Variants in WDR97 observed in about 807,000 individuals in gnomAD.
WDR97 encodes WD repeat-containing protein 97.
A neutral mutation model predicts 65.4 loss-of-function variants in WDR97; 111 were observed. That is an observed-to-expected ratio of 1.70 (90% CI 1.45 to 1.99). The LOEUF (loss-of-function observed/expected upper bound fraction) is 1.99. Ranked by LOEUF, WDR97 falls within the 30% of genes most tolerant of loss-of-function variation. WDR97 has a pLI of 0.00. For missense variants in WDR97, 1,674 were observed against 865.0 expected (o/e 1.94, Z -11.73); for synonymous variants, 802 against 397.7 (o/e 2.02, Z -12.10).
rs1271875589 is a variant in WDR97, at chr8:144,111,087, C to T, written c.2305-14C>T. ...TTCCCCCAGCCAGGGATACAGGCTC[C>T]TTCCCCTATTCAGAAGATGTGCCGG... is the stretch of plus-strand genomic sequence containing the variant. On this transcript the variant is annotated splice_polypyrimidine_tract_variant and intron_variant, in intron 9 of 23. Coordinates refer to ENST00000323662, the MANE Select transcript of WDR97 (RefSeq NM_001316309.2). 1 of 702,838 alleles carries T rather than the reference C, an allele frequency of 1.4e-6. No individual in the cohort carries two copies. The highest frequency in any genetic ancestry group is 2.7e-5 in the East Asian group (1 of 37,278). 43.5% of individuals were successfully genotyped at this position (702,838 alleles called of 1,614,324 possible). A position where few individuals can be genotyped will look rare whatever the true frequency, so the allele number is the denominator to read the frequency against.
Position 144,110,369 on chromosome 8 carries a change from C to T in WDR97, c.1872C>T (p.Arg624=), listed in dbSNP as rs1489402876. ...GGGACCTGACGGTGAAGATGTGGCG[C>T]GTCTTCCCCTATGCCGAAGAGAGCC... is the stretch of plus-strand genomic sequence containing the variant. ...SGGDLTVKMW[R]VFPYAEESLS... Residue 624 remains arginine (R), a synonymous_variant, in exon 7 of 24, where the codon CGC becomes CGT. Transcript: ENST00000323662. 2 of 702,970 alleles carry T rather than the reference C, an allele frequency of 2.8e-6. No homozygotes were observed. The highest frequency in any genetic ancestry group is 3.0e-5 in the South Asian group (2 of 67,608). The allele number at this position is 702,970 out of a possible 1,614,324, so 43.5% of individuals were successfully genotyped here. A position where few individuals can be genotyped will look rare whatever the true frequency, so the allele number is the denominator to read the frequency against.
At position 144,109,783 on chromosome 8, in the gene WDR97, C is replaced by A; in HGVS notation, c.1449C>A (p.Cys483Ter). Residue 483 changes from cysteine to a stop codon, truncating the protein, a stop_gained, in exon 5 of 24, where the codon TGC becomes TGA. Transcript: ENST00000323662. LOFTEE classifies it high-confidence loss of function. The stretch of plus-strand genomic sequence containing the variant: ...ACTGCGCGGCAGCCGTGGCCTACTG[C>A]CTGCCGCGCGAGGCGCTGTGGCTGC... ...PEDCAAAVAY[C>*]LPREALWLLT... 1 of 671,738 alleles carries A rather than the reference C, an allele frequency of 1.5e-6. No individual in the cohort carries two copies. Among genetic ancestry groups the A allele is most frequent in the Admixed American group, 2.2e-5 (1 of 45,146 alleles). The allele number at this position is 671,738 out of a possible 1,614,324, so 41.6% of individuals were successfully genotyped here.
In WDR97 at chr8:144,115,519, A is replaced by G. The variant is rs1377531113; in HGVS notation, c.4256A>G (p.Gln1419Arg). 2.9e-6 allele frequency: 2 copies of G among 697,290 alleles called. No homozygotes were observed. Among genetic ancestry groups the G allele is most frequent in the Admixed American group, 4.0e-5 (2 of 49,636 alleles). 43.2% of individuals were successfully genotyped at this position (697,290 alleles called of 1,614,324 possible). The change falls in exon 22 of 24, where the codon CAG (glutamine) becomes CGG (arginine). Residue 1419 changes from glutamine to arginine, a missense_variant. Gln to Arg is a conservative substitution (Grantham distance 43, BLOSUM62 1). Coordinates refer to ENST00000323662, the MANE Select transcript of WDR97 (RefSeq NM_001316309.2). The stretch of plus-strand genomic sequence containing the variant: ...TCTTTAGCCCCGGAGCTCCAGGCCC[A>G]GCGGATGCTGGCACCCAAGCGCAGC... ...PHSLAPELQA[Q>R]RMLAPKRSWG... is the part of the protein sequence containing the mutation.
At chr8:144,110,319 AG>A (rs1836520083) in intron 6 of WDR97, 21 bp from the exon 7 acceptor site, 1 of 702,750 alleles carries the variant, frequency 1.4e-6, no homozygotes. Flanking sequence ...GACAAGGCCC[AG>A]CCAGATTCCG....
Position 144,115,734 on chromosome 8 carries a change from T to G in WDR97, c.4471T>G (p.Cys1491Gly). The change falls in exon 22 of 24, where the codon TGT (cysteine) becomes GGT (glycine). Residue 1491 changes from cysteine (C) to glycine (G), a missense_variant. Transcript: ENST00000323662. Reference protein sequence around the residue: ...LGPIDALNFFCEQLRAQQRSS... With the variant: ...LGPIDALNFFGEQLRAQQRSS... ...CCCCATCGACGCGCTCAACTTCTTC[T>G]GTGAGCAGCTGCGGGCGCAGCAGCG... is the stretch of plus-strand genomic sequence containing the variant. 1 of 701,608 alleles carries G rather than the reference T, an allele frequency of 1.4e-6. No individual in the cohort carries two copies. Among genetic ancestry groups the G allele is most frequent in the Non-Finnish European group, 2.6e-6 (1 of 384,446 alleles). The allele number at this position is 701,608 out of a possible 1,614,324, so 43.5% of individuals were successfully genotyped here. A position where few individuals can be genotyped will look rare whatever the true frequency, so the allele number is the denominator to read the frequency against.
chr8:144,115,291 T>G lies in WDR97; in HGVS notation c.4078-50T>G. 7.0e-6 allele frequency: 4 copies of G among 573,322 alleles called. No individual in the cohort carries two copies. The South Asian group carries it at 8.9e-5, about 13-fold the overall frequency. The allele number at this position is 573,322 out of a possible 1,614,324, so 35.5% of individuals were successfully genotyped here. A position where few individuals can be genotyped will look rare whatever the true frequency, so the allele number is the denominator to read the frequency against. On this transcript the variant is annotated intron_variant, in intron 21 of 23. Coordinates refer to ENST00000323662, the MANE Select transcript of WDR97 (RefSeq NM_001316309.2). The stretch of plus-strand genomic sequence containing the variant: ...CCACTGTCTGCAGCCAAGTTGCTGG[T>G]GGTGCTGCCCAAGGTCTCTAAGACC...
intron 21 of WDR97, 73 bp downstream of exon 21, chr8:144,114,984 C>T: frequency 1.6e-6 from 1 of 623,986 alleles, no homozygotes; most frequent in Admixed American, 2.7e-5. Flanking sequence ...GTCCTGGGGT[C>T]AAAGCCAGCT....
rs956720455 is a variant in WDR97, at chr8:144,109,600, C to G, written c.1266C>G (p.Pro422=). ...RELYSPLAQL[P]AKVLHVQVAP... ...TCTACTCGCCGTTGGCGCAACTGCCCGCCAAGGTGCTCCACGTGCAGGTGG... is the reference window on the plus strand; with the variant it reads ...TCTACTCGCCGTTGGCGCAACTGCCGGCCAAGGTGCTCCACGTGCAGGTGG... Residue 422 remains proline, a synonymous_variant, in exon 5 of 24, where the codon CCC becomes CCG. Transcript: ENST00000323662. 1.0e-5 allele frequency: 7 copies of G among 689,160 alleles called. No individual in the cohort carries two copies. Among genetic ancestry groups the G allele is most frequent in the African/African-American group, 1.8e-5 (1 of 55,324 alleles). The allele number at this position is 689,160 out of a possible 1,614,324, so 42.7% of individuals were successfully genotyped here. A position where few individuals can be genotyped will look rare whatever the true frequency, so the allele number is the denominator to read the frequency against.
Position 144,116,024 on chromosome 8 carries a change from C to G in WDR97, c.4666+11C>G, listed in dbSNP as rs1458948799. 4 of 699,734 alleles carry G rather than the reference C, an allele frequency of 5.7e-6. No homozygotes were observed. Among genetic ancestry groups the G allele is most frequent in the Non-Finnish European group, 1.0e-5 (4 of 384,364 alleles). The allele number at this position is 699,734 out of a possible 1,614,324, so 43.3% of individuals were successfully genotyped here. On this transcript the variant is annotated intron_variant, in intron 23 of 23. Transcript: ENST00000323662. ...CGATGAGACTGAGGGGTGAGTGGAG[C>G]CAGGGGTGGAGACTGGACCCCACCC...
Position 144,111,767 on chromosome 8 carries a change from G to A in WDR97, c.2623G>A (p.Gly875Ser), listed in dbSNP as rs1347588247. The A allele has an allele frequency of 2.9e-5, 20 of 685,704 alleles. No individual in the cohort carries two copies. The highest frequency in any genetic ancestry group is 5.4e-5 in the East Asian group (2 of 36,972). 42.5% of individuals were successfully genotyped at this position (685,704 alleles called of 1,614,324 possible). Residue 875 changes from glycine (G) to serine (S), a missense_variant, in exon 12 of 24, where the codon GGC becomes AGC. Physicochemically the swap from Gly to Ser is moderately conservative, Grantham distance 56. Transcript: ENST00000323662. ...TGACAATTACCTCCGTCTGATCTAC[G>A]GCTCTGGCCTGCTGGTAGGTGTAGG... ...GFDNYLRLIY[G>S]SGLLGMQSGR...
chr8:144,112,355 G>A lies in WDR97; in HGVS notation c.3021+6G>A, dbSNP rs1359904609. The A allele has an allele frequency of 4.3e-6, 3 of 702,490 alleles. No individual in the cohort carries two copies. The highest frequency in any genetic ancestry group is 7.8e-6 in the Non-Finnish European group (3 of 384,884). 43.5% of individuals were successfully genotyped at this position (702,490 alleles called of 1,614,324 possible). ...CCTCCCACTTGCAGTGCAGGGTGAG[G>A]GACCCAGGCAGGTGGGGTACCACCT... On this transcript the variant is annotated splice_donor_region_variant and intron_variant, in intron 14 of 23. Coordinates refer to ENST00000323662, the MANE Select transcript of WDR97 (RefSeq NM_001316309.2).
rs1218528997 is a variant in WDR97 at position 144,109,726 on chromosome 8, C to G, written c.1392C>G (p.Arg464=). The G allele has an allele frequency of 1.5e-5, 10 of 681,396 alleles. No homozygotes were observed. Among genetic ancestry groups the G allele is most frequent in the Non-Finnish European group, 2.1e-5 (8 of 376,608 alleles). 42.2% of individuals were successfully genotyped at this position (681,396 alleles called of 1,614,324 possible). A position where few individuals can be genotyped will look rare whatever the true frequency, so the allele number is the denominator to read the frequency against. Reference sequence around the variant, plus strand: ...ACCTCCTGTCGGCGGCCACCGGGCGCATAGTGAGCTCACTGCTGCTGGAGC... The same window carrying G: ...ACCTCCTGTCGGCGGCCACCGGGCGGATAGTGAGCTCACTGCTGCTGGAGC... The part of the protein sequence containing the change: ...SVYLLSAATG[R]IVSSLLLEPE... Residue 464 remains arginine (R), a synonymous_variant, in exon 5 of 24, where the codon CGC becomes CGG. Transcript: ENST00000323662.
rs1219648263 is a variant in WDR97, at chr8:144,115,610, C to A, written c.4347C>A (p.Pro1449=). The A allele has an allele frequency of 1.5e-6, 1 of 681,600 alleles. No individual in the cohort carries two copies. The highest frequency in any genetic ancestry group is 2.7e-5 in the East Asian group (1 of 36,884). The allele number at this position is 681,600 out of a possible 1,614,324, so 42.2% of individuals were successfully genotyped here. ...SETLKSFCLE[P]EARLHPAGPA... is the part of the protein sequence containing the mutation. Reference sequence around the variant, plus strand: ...CGCTGAAGAGCTTCTGCCTGGAGCCCGAGGCCCGCCTGCACCCTGCCGGGC... The same window carrying A: ...CGCTGAAGAGCTTCTGCCTGGAGCCAGAGGCCCGCCTGCACCCTGCCGGGC... Residue 1449 remains proline, a synonymous_variant, in exon 22 of 24, where the codon CCC becomes CCA. Transcript: ENST00000323662.
rs115664571 is a variant in WDR97 at position 144,114,292 on chromosome 8, G to A, written c.3609G>A (p.Ala1203=). The change falls in exon 19 of 24, where the codon GCG becomes GCA. Residue 1203 remains alanine (A), a synonymous_variant. Transcript: ENST00000323662. Reference sequence around the variant, plus strand: ...CTACCCTGCAGGCATACCCGGAGGCGGGCACGATCGAGGGCCTGGCCTCGC... The same window carrying A: ...CTACCCTGCAGGCATACCCGGAGGCAGGCACGATCGAGGGCCTGGCCTCGC... ...PIFSLQAYPE[A]GTIEGLASLL... is the part of the protein sequence containing the mutation. 1.1e-3 allele frequency: 773 copies of A among 701,608 alleles called. 3 individuals are homozygous for A. In the African/African-American group the frequency reaches 0.012, roughly 11 times the overall value. The allele number at this position is 701,608 out of a possible 1,614,324, so 43.5% of individuals were successfully genotyped here.
chr8:144,114,683 G>A lies in WDR97; in HGVS notation c.3914+8G>A, dbSNP rs970579491. The A allele has an allele frequency of 1.3e-5, 9 of 702,604 alleles. No homozygotes were observed. In the Admixed American group the frequency reaches 1.8e-4, roughly 14 times the overall value. 43.5% of individuals were successfully genotyped at this position (702,604 alleles called of 1,614,324 possible). Reference sequence around the variant, plus strand: ...CTCTCCCGTGCACTGCCGGTGAGTTGCGCTCCTGCCCAGCCCTCCCTGCCA... The same window carrying A: ...CTCTCCCGTGCACTGCCGGTGAGTTACGCTCCTGCCCAGCCCTCCCTGCCA... On this transcript the variant is annotated splice_region_variant and intron_variant, in intron 20 of 23. Transcript: ENST00000323662.
chr8:144,113,120 A>C, intron 15 of WDR97: 1 of 475,142 alleles, frequency 2.1e-6, no homozygotes, highest in Non-Finnish European at 3.7e-6. Flanking sequence ...CTTCTTTTAG[A>C]CTTTCTTGTC....
Position 144,115,448 on chromosome 8 carries a change from G to A in WDR97, c.4185G>A (p.Gln1395=). The A allele has an allele frequency of 2.9e-6, 2 of 690,304 alleles. No individual in the cohort carries two copies. The highest frequency in any genetic ancestry group is 5.3e-6 in the Non-Finnish European group (2 of 376,302). 42.8% of individuals were successfully genotyped at this position (690,304 alleles called of 1,614,324 possible). A position where few individuals can be genotyped will look rare whatever the true frequency, so the allele number is the denominator to read the frequency against. Residue 1395 remains glutamine, a synonymous_variant, in exon 22 of 24, where the codon CAG becomes CAA. Transcript: ENST00000323662. ...SASGIFGRLS[Q]VSEVPLMVVS... Reference sequence around the variant, plus strand: ...CCGGCATCTTCGGGAGGCTCTCGCAGGTCTCAGAGGTGCCTTTGATGGTGG... The same window carrying A: ...CCGGCATCTTCGGGAGGCTCTCGCAAGTCTCAGAGGTGCCTTTGATGGTGG...
At chr8:144,108,226 C>T (rs775283202) in intron 2 of WDR97, 31 bp downstream of exon 2, 4 of 696,272 alleles carry the variant, frequency 5.7e-6, no homozygotes, top group South Asian at 1.5e-5. Context: ...GCCTCCTGGC[C>T]TCTTTCCGGA....
At position 144,111,437 on chromosome 8, in the gene WDR97, C is replaced by T. The variant is rs1241717338; in HGVS notation, c.2438C>T (p.Ser813Phe). The change falls in exon 11 of 24, where the codon TCT becomes TTT. Residue 813 changes from serine to phenylalanine, a missense_variant. Physicochemically the swap from Ser to Phe is radical, Grantham distance 155 (BLOSUM62 -2). Transcript: ENST00000323662. ...GTCCCTGTTTGCAGCGAGGCCTTGT[C>T]TCTCATCCATCGTCGGAGGGCAACA... is the stretch of plus-strand genomic sequence containing the variant. ...HGAASLSEAL[S>F]LIHRRRATSQ... 1 of 702,714 alleles carries T rather than the reference C, an allele frequency of 1.4e-6. No individual in the cohort carries two copies. The highest frequency in any genetic ancestry group is 2.7e-5 in the East Asian group (1 of 37,284). The allele number at this position is 702,714 out of a possible 1,614,324, so 43.5% of individuals were successfully genotyped here.
Sources: allele counts gnomAD v4.1 joint callset, GRCh38; gene constraint gnomAD v4.1.1; transcripts MANE v1.5; gene names NCBI Gene and HGNC (gene_info 2026-07-23, HGNC 2026-07-21).